PDE6B: variants seen among roughly 807,000 people sequenced by gnomAD.
The protein encoded by PDE6B is phosphodiesterase 6B.
In PDE6B, 106 loss-of-function variants were observed where a neutral mutation model predicts 109.0. That is an observed-to-expected ratio of 0.97 (90% CI 0.83 to 1.14). The LOEUF is 1.14. Among genes scored for constraint, PDE6B ranks in the 50% most tolerant of loss-of-function variants. PDE6B has a pLI of 0.00. For synonymous variants in PDE6B, 490 were observed against 471.3 expected, an observed-to-expected ratio of 1.04 and a Z score of -0.51; for missense variants, 1,193 against 1,155.6, an observed-to-expected ratio of 1.03 and a Z score of -0.47.
At chr4:667,383 G>A (rs1737914623) in intron 20 of PDE6B, among the ~76,000 whole-genome samples, 1 of 152,158 alleles carries the variant, frequency 6.6e-6, no homozygotes, top group South Asian at 2.1e-4. Context: ...GTGGCCACAG[G>A]TCACGGCCCC....
chr4:654,213 A>T (rs748855795), intron 5 of PDE6B, 59 bp downstream of exon 5: 1 of 1,376,324 alleles, frequency 7.3e-7, no homozygotes, highest in African/African-American at 1.4e-5. Flanking sequence ...CCTGACTCCA[A>T]CTCCAGGGCA....
chr4:639,638 G>A (rs1234353118), intron 3 of PDE6B, among the ~76,000 whole-genome samples: 2 of 152,180 alleles, frequency 1.3e-5, no homozygotes, highest in Non-Finnish European at 2.9e-5. Context: ...GGGTGACTAA[G>A]CCCTGCTTCT....
chr4:631,434 G>A (rs779651914), intron 1 of PDE6B, among the ~76,000 whole-genome samples: 2 of 150,866 alleles, frequency 1.3e-5, no homozygotes, highest in Non-Finnish European at 3.0e-5. Context: ...GAGTCACATT[G>A]TGTGGATCCT....
rs765743401 is a variant in PDE6B, at chr4:658,980, C to T, written c.1430C>T (p.Pro477Leu). Residue 477 changes from proline (P) to leucine (L), a missense_variant, in exon 11 of 22, where the codon CCT becomes CTT. Physicochemically the swap from Pro to Leu is moderately conservative, Grantham distance 98. Transcript: ENST00000496514. ...LPTRARLGKE[P>L]ADCDEDELGE... ...ACCAGAGCGCGCCTGGGGAAGGAGC[C>T]TGCTGACTGCGATGAGGACGAGCTG... The T allele has an allele frequency of 1.9e-6, 3 of 1,613,642 alleles. No homozygotes were observed. The highest frequency in any genetic ancestry group is 1.3e-5 in the African/African-American group (1 of 75,062).
intron 6 of PDE6B, 199 bp downstream of exon 6, chr4:655,087 T>A: frequency 3.3e-6 from 2 of 612,406 alleles, no homozygotes; most frequent in South Asian, 3.8e-5. Context: ...CTCACTGTTC[T>A]GGGAGATGGT....
At chr4:647,602 T>A (rs1735266310) in intron 3 of PDE6B, among the ~76,000 whole-genome samples, 1 of 152,010 alleles carries the variant, frequency 6.6e-6, no homozygotes, top group African/African-American at 2.4e-5. Flanking sequence ...CCTCGTCCCA[T>A]AAGGGCACGT....
chr4:653,998 G>T lies in PDE6B; in HGVS notation c.852+6G>T, dbSNP rs1416587355. 6 of 1,613,788 alleles carry T rather than the reference G, an allele frequency of 3.7e-6. No homozygotes were observed. Among genetic ancestry groups the T allele is most frequent in the Non-Finnish European group, 5.1e-6 (6 of 1,180,028 alleles). ...TGGACATGACCAAGGAGAAGGTGAG[G>T]CTTCCGTGGCTCAGGGACCCCCTGC... is the stretch of plus-strand genomic sequence containing the variant. On this transcript the variant is annotated splice_donor_region_variant and intron_variant, in intron 4 of 21. Coordinates refer to ENST00000496514, the MANE Select transcript of PDE6B (RefSeq NM_000283.4).
At chr4:642,725 C>CAGAAAAAAA (rs1553805595) in intron 3 of PDE6B, among the ~76,000 whole-genome samples, 2 of 43,336 alleles carry the variant, frequency 4.6e-5, no homozygotes, top group African/African-American at 1.9e-4. Flanking sequence ...GACACTGTCT[C>CAGAAAAAAA]AAAAAAAAAA....
chr4:659,136 G>A, intron 11 of PDE6B, 119 bp downstream of exon 11: 1 of 758,658 alleles, frequency 1.3e-6, no homozygotes, highest in Non-Finnish European at 2.3e-6. Context: ...AGGGATGTTG[G>A]TGCTGTGTGT....
intron 3 of PDE6B, among the ~76,000 whole-genome samples, chr4:645,381 C>T (rs927050349): frequency 6.6e-6 from 1 of 150,852 alleles, no homozygotes; most frequent in Non-Finnish European, 1.5e-5. Flanking sequence ...CTGCAAGCTC[C>T]ACGTCCCAGG....
intron 20 of PDE6B, 89 bp from the exon 21 acceptor site, chr4:667,767 C>T (rs1473446468): frequency 7.7e-6 from 11 of 1,421,574 alleles, no homozygotes; most frequent in South Asian, 1.2e-5. Flanking sequence ...AGTTCATCCC[C>T]TACGAGGGGG....
At position 663,734 on chromosome 4, in the gene PDE6B, G is replaced by T. The variant is rs367699212; in HGVS notation, c.1921-36G>T. The T allele has an allele frequency of 3.3e-6, 5 of 1,524,254 alleles. No individual in the cohort carries two copies. The highest frequency in any genetic ancestry group is 3.4e-5 in the Admixed American group (2 of 59,506). The allele number at this position is 1,524,254 out of a possible 1,614,324, so 94.4% of individuals were successfully genotyped here. The stretch of plus-strand genomic sequence containing the variant: ...TCCCCGGGCACCCTGAGAGGTGGCC[G>T]CAGGGCGCCTGACGCGCTGGGCATA... On this transcript the variant is annotated intron_variant, in intron 15 of 21. Transcript: ENST00000496514. This position sits in a 1 kb window ranked among gnomAD's most constrained non-coding sequence, Gnocchi z 4.0.
chr4:635,589 G>A (rs1252824046), intron 2 of PDE6B, among the ~76,000 whole-genome samples: 3 of 152,142 alleles, frequency 2.0e-5, no homozygotes, highest in African/African-American at 7.2e-5. Context: ...GCCTGCCCGC[G>A]TGTTCTGTGC....
Position 670,194 on chromosome 4 carries a change from T to C in PDE6B, c.*87T>C. On this transcript the variant is annotated 3_prime_UTR_variant, in exon 22 of 22. Transcript: ENST00000496514. ...GCCTGTGGCTATTTGCTACAAGAGGTTAGGAAGCCCAAGAAAATGACTGAA... is the reference window on the plus strand; with the variant it reads ...GCCTGTGGCTATTTGCTACAAGAGGCTAGGAAGCCCAAGAAAATGACTGAA... The C allele has an allele frequency of 1.9e-6, 3 of 1,605,892 alleles. No homozygotes were observed. The highest frequency in any genetic ancestry group is 2.6e-6 in the Non-Finnish European group (3 of 1,175,630).
intron 1 of PDE6B, among the ~76,000 whole-genome samples, chr4:628,137 T>C (rs1734205916): frequency 6.7e-6 from 1 of 149,466 alleles, no homozygotes; most frequent in African/African-American, 2.6e-5. Flanking sequence ...GAAACTTGAG[T>C]CTGAATTGCC....
Position 663,681 on chromosome 4 carries a change from A to T in PDE6B, c.1921-89A>T, listed in dbSNP as rs1737409607. 1.1e-6 allele frequency: 1 copy of T among 938,826 alleles called. No homozygotes were observed. The allele number at this position is 938,826 out of a possible 1,614,324, so 58.2% of individuals were successfully genotyped here. On this transcript the variant is annotated intron_variant, in intron 15 of 21. Coordinates refer to ENST00000496514, the MANE Select transcript of PDE6B (RefSeq NM_000283.4). The surrounding 1 kb of genome is among the most constrained non-coding windows in gnomAD (Gnocchi z 4.0). ...GCCCGAGGGCGGGGGCGTGAGAGGCACAGGCAGCCGAGGCGGAAGGGGCGG... is the reference window on the plus strand; with the variant it reads ...GCCCGAGGGCGGGGGCGTGAGAGGCTCAGGCAGCCGAGGCGGAAGGGGCGG...
chr4:663,035 C>T lies in PDE6B; in HGVS notation c.1833-65C>T. 1 of 902,206 alleles carries T rather than the reference C, an allele frequency of 1.1e-6. No individual in the cohort carries two copies. 55.9% of individuals were successfully genotyped at this position (902,206 alleles called of 1,614,324 possible). The stretch of plus-strand genomic sequence containing the variant: ...AGAAAGTGGGGCCCATCTGGGGGGG[C>T]TGCAGAGCGCAGGGTGGGCCAAGGG... On this transcript the variant is annotated intron_variant, in intron 14 of 21. Coordinates refer to ENST00000496514, the MANE Select transcript of PDE6B (RefSeq NM_000283.4). This position sits in a 1 kb window ranked among gnomAD's most constrained non-coding sequence, Gnocchi z 4.0.
Position 636,854 on chromosome 4 carries a change from C to A in PDE6B, c.711+885C>A, listed in dbSNP as rs1419474650. ...CAGTCTGGAAAGGCGGTCAGGGCCC[C>A]TGGGGCATCCAGCCATCCAGCCAGT... On this transcript the variant is annotated intron_variant, in intron 3 of 21. Coordinates refer to ENST00000496514, the MANE Select transcript of PDE6B (RefSeq NM_000283.4). The surrounding 1 kb of genome is among the most constrained non-coding windows in gnomAD (Gnocchi z 4.5). Among the ~76,000 whole-genome samples, 1 of 152,230 alleles carries A rather than the reference C, an allele frequency of 6.6e-6. No individual in the cohort carries two copies. Among genetic ancestry groups the A allele is most frequent in the Non-Finnish European group, 1.5e-5 (1 of 68,034 alleles).
At chr4:631,012 A>G (rs9998466) in intron 1 of PDE6B, among the ~76,000 whole-genome samples, 3,623 of 152,320 alleles carry the variant, frequency 0.024, 145 homozygotes, top group African/African-American at 0.083. Context: ...GAGACCAGTG[A>G]CGCAGCCAGG....
Sources: allele counts gnomAD v4.1 joint callset (sites outside exome capture counted in the v4.1 genomes callset), GRCh38; gene constraint gnomAD v4.1.1; non-coding constraint Gnocchi (gnomAD v3.1); transcripts MANE v1.5; gene names NCBI Gene and HGNC (gene_info 2026-07-23, HGNC 2026-07-21).